MARF1: variants seen among roughly 807,000 people sequenced by gnomAD.
The protein encoded by MARF1 is limkain-b1.
A neutral mutation model predicts 168.2 loss-of-function variants in MARF1; 24 were observed. The observed-to-expected ratio is 0.14, with a 90% CI of 0.10 to 0.20. The LOEUF is 0.20. MARF1 is among the 10% of genes least tolerant of loss of function. The probability of loss-of-function intolerance (pLI) is 1.00; values close to 1 mark genes in which losing one functional copy is unlikely to be tolerated. For synonymous variants in MARF1, 868 were observed against 822.4 expected (o/e 1.06, Z -0.95); for missense variants, 1,744 against 2,143.6 (o/e 0.81, Z 3.68).
Position 15,612,769 on chromosome 16 carries a change from G to GCC in MARF1, c.3260_3261dup (p.Leu1088GlyfsTer9). The GCC allele has an allele frequency of 6.2e-7, 1 of 1,613,840 alleles. No homozygotes were observed. Among genetic ancestry groups the GCC allele is most frequent in the Non-Finnish European group, 8.5e-7 (1 of 1,179,742 alleles). On this transcript the variant is annotated frameshift_variant, in exon 17 of 27. Coordinates refer to ENST00000396368, the MANE Select transcript of MARF1 (RefSeq NM_014647.4). LOFTEE classifies it high-confidence loss of function. ...CCTACAGGACTCTTCGAACGCAGAA[G>GCC]CCAAGGGTCTAGAAGAAAAAGAACG...
At chr16:15,636,696 T>C (rs979910794) in intron 2 of MARF1, among the ~76,000 whole-genome samples, 1 of 152,154 alleles carries the variant, frequency 6.6e-6, no homozygotes, top group Non-Finnish European at 1.5e-5. Context: ...ATAGGTGGTA[T>C]GAAAACAACC....
rs1596502918 is a variant in MARF1, at chr16:15,635,262, A to G, written c.832-331T>C. 21 of 395,462 alleles carry G rather than the reference A, an allele frequency of 5.3e-5. No homozygotes were observed. The East Asian group carries it at 8.8e-4, about 17-fold the overall frequency. 24.5% of individuals were successfully genotyped at this position (395,462 alleles called of 1,614,324 possible). ...TTGAACACCAATGTGACTGAGGCCA[A>G]GCTTCAGGTTTCCCACATTATTGCA... is the stretch of plus-strand genomic sequence containing the variant. On this transcript the variant is annotated intron_variant, in intron 3 of 26. Transcript: ENST00000396368.
At chr16:15,610,456 A>T (rs1188830751) in intron 19 of MARF1, 1 of 153,030 alleles carries the variant, frequency 6.5e-6, no homozygotes. Context: ...AGACACGAAA[A>T]ATTGGCCCCC....
chr16:15,631,342 G>A (rs1216626011), intron 6 of MARF1, 39 bp downstream of exon 6: 4 of 1,369,612 alleles, frequency 2.9e-6, no homozygotes, highest in African/African-American at 2.9e-5. Flanking sequence ...TTCCCACACA[G>A]TGAGTTTAGC....
intron 21 of MARF1, 31 bp downstream of exon 21, chr16:15,608,260 G>GAAAAAAAAAAGA (rs2033189412): frequency 1.4e-6 from 1 of 693,822 alleles, no homozygotes; most frequent in African/African-American, 2.8e-5. Flanking sequence ...TCCCATGAGG[G>GAAAAAAAAAAGA]AAAAAAAAAA....
intron 7 of MARF1, 177 bp downstream of exon 7, chr16:15,630,155 C>A: frequency 2.2e-6 from 1 of 451,098 alleles, no homozygotes; most frequent in Non-Finnish European, 3.9e-6. Flanking sequence ...TCATACATAC[C>A]AATTATCTGT....
At position 15,624,931 on chromosome 16, in the gene MARF1, A is replaced by G. The variant is rs1223882871; in HGVS notation, c.2112-4T>C. Reference sequence around the variant, plus strand: ...TCGGGCACTGAGGTTCTCCTTTCTAACAGAAGGGGAAAATTGAAGGCAAAA... The same window carrying G: ...TCGGGCACTGAGGTTCTCCTTTCTAGCAGAAGGGGAAAATTGAAGGCAAAA... On this transcript the variant is annotated splice_polypyrimidine_tract_variant and splice_region_variant and intron_variant, in intron 9 of 26. Coordinates refer to ENST00000396368, the MANE Select transcript of MARF1 (RefSeq NM_014647.4). The G allele has an allele frequency of 6.2e-7, 1 of 1,613,738 alleles. No individual in the cohort carries two copies. Among genetic ancestry groups the G allele is most frequent in the Non-Finnish European group, 8.5e-7 (1 of 1,179,932 alleles).
chr16:15,635,824 A>C lies in MARF1; in HGVS notation c.663T>G (p.Ala221=). 1 of 1,614,254 alleles carries C rather than the reference A, an allele frequency of 6.2e-7. No individual in the cohort carries two copies. The highest frequency in any genetic ancestry group is 8.5e-7 in the Non-Finnish European group (1 of 1,180,042). The change falls in exon 3 of 27, where the codon GCT becomes GCG. Residue 221 remains alanine, a synonymous_variant. Transcript: ENST00000396368. ...QFPSLQGCTS[A]GYFPCSDFTS... ...TGAAATCAGAACAGGGGAAATAGCC[A>C]GCGGAGGTGCAGCCCTGCAGACTCG...
Position 15,615,838 on chromosome 16 carries a change from G to C in MARF1, c.3245C>G (p.Pro1082Arg). The C allele has an allele frequency of 6.4e-7, 1 of 1,560,858 alleles. No individual in the cohort carries two copies. The highest frequency in any genetic ancestry group is 2.3e-5 in the East Asian group (1 of 42,816). ...VKWIHNKPPP[P>R]NTDPWLLRSK... ...AAATACCTGACACCTACCAGTGTTG[G>C]GAGGCGGGGGCTTGTTGTGAATCCA... The change falls in exon 16 of 27, where the codon CCC becomes CGC. Residue 1082 changes from proline to arginine, a missense_variant. Physicochemically the swap from Pro to Arg is moderately radical, Grantham distance 103. Transcript: ENST00000396368.
rs1297582823 is a variant in MARF1 at position 15,636,277 on chromosome 16, A to G, written c.210T>C (p.Ala70=). 6.2e-7 allele frequency: 1 copy of G among 1,612,572 alleles called. No homozygotes were observed. Among genetic ancestry groups the G allele is most frequent in the Non-Finnish European group, 8.5e-7 (1 of 1,179,070 alleles). ...GGACTGCTGGAAAAAGCTTAGAGCC[A>G]GCATGAAGGGGTGATGGTACATCCT... is the stretch of plus-strand genomic sequence containing the variant. ...ELKDVPSPLH[A]GSKLFPAVPL... is the part of the protein sequence containing the mutation. Residue 70 remains alanine, a synonymous_variant, in exon 3 of 27, where the codon GCT becomes GCC. Coordinates refer to ENST00000396368, the MANE Select transcript of MARF1 (RefSeq NM_014647.4).
rs141448695 is a variant in MARF1, at chr16:15,635,383, A to G, written c.831+273T>C. 272 of 485,952 alleles carry G rather than the reference A, an allele frequency of 5.6e-4. 1 individual carries two copies. The highest frequency in any genetic ancestry group is 4.8e-3 in the African/African-American group (245 of 51,498). 30.1% of individuals were successfully genotyped at this position (485,952 alleles called of 1,614,324 possible). A position where few individuals can be genotyped will look rare whatever the true frequency, so the allele number is the denominator to read the frequency against. Reference sequence around the variant, plus strand: ...ATCCATCGTGCTTTAGCCTTTAAACATAGAACACGAAGGCTTTGCCAACCT... The same window carrying G: ...ATCCATCGTGCTTTAGCCTTTAAACGTAGAACACGAAGGCTTTGCCAACCT... On this transcript the variant is annotated intron_variant, in intron 3 of 26. Coordinates refer to ENST00000396368, the MANE Select transcript of MARF1 (RefSeq NM_014647.4).
In MARF1 at chr16:15,598,959, C is replaced by A. The variant is rs746502942; in HGVS notation, c.4879G>T (p.Ala1627Ser). Reference sequence around the variant, plus strand: ...GACGGCAGGCACGAGGGGACAGGCGCACACAGGAGGTCGACGGGGGAGTCG... The same window carrying A: ...GACGGCAGGCACGAGGGGACAGGCGAACACAGGAGGTCGACGGGGGAGTCG... The part of the protein sequence containing the change: ...TDDSPVDLLC[A>S]PVPSCLPSPQ... The change falls in exon 26 of 27, where the codon GCG becomes TCG. Residue 1627 changes from alanine to serine, a missense_variant. Physicochemically the swap from Ala to Ser is moderately conservative, Grantham distance 99. Transcript: ENST00000396368. 23 of 1,613,298 alleles carry A rather than the reference C, an allele frequency of 1.4e-5. No homozygotes were observed. In the South Asian group the frequency reaches 2.5e-4, roughly 18 times the overall value.
intron 7 of MARF1, among the ~76,000 whole-genome samples, chr16:15,629,756 G>A (rs1340262723): frequency 6.6e-6 from 1 of 152,122 alleles, no homozygotes; most frequent in Non-Finnish European, 1.5e-5. Context: ...GCTAGTCCTG[G>A]AAATGTGCTC....
At chr16:15,598,185 T>G (rs1214307123) in intron 26 of MARF1, among the ~76,000 whole-genome samples, 1 of 152,162 alleles carries the variant, frequency 6.6e-6, no homozygotes. Flanking sequence ...GCTCTGCCCT[T>G]GCTAGCCCAG....
intron 26 of MARF1, 31 bp from the exon 27 acceptor site, chr16:15,596,968 A>G: frequency 6.4e-7 from 1 of 1,567,540 alleles, no homozygotes; most frequent in Non-Finnish European, 8.7e-7. Flanking sequence ...ACAGATTCAG[A>G]TCCAGGAACT....
intron 7 of MARF1, 171 bp downstream of exon 7, chr16:15,630,161 T>C: frequency 1.7e-5 from 8 of 459,926 alleles, no homozygotes; most frequent in Non-Finnish European, 2.7e-5. Flanking sequence ...ATACCAATTA[T>C]CTGTATATTT....
intron 12 of MARF1, 62 bp from the exon 13 acceptor site, chr16:15,620,593 C>A: frequency 9.1e-7 from 1 of 1,099,192 alleles, no homozygotes; most frequent in Non-Finnish European, 1.3e-6. Flanking sequence ...GTTATATAAA[C>A]AGAGTTCATA....
chr16:15,621,641 T>C, intron 12 of MARF1, 92 bp downstream of exon 12: 1 of 1,185,076 alleles, frequency 8.4e-7, no homozygotes, highest in Non-Finnish European at 1.2e-6. Flanking sequence ...CACAAGGGGG[T>C]GGGAATGTGA....
chr16:15,609,649 A>C lies in MARF1; in HGVS notation c.3828T>G (p.His1276Gln). 1 of 1,614,180 alleles carries C rather than the reference A, an allele frequency of 6.2e-7. No homozygotes were observed. Among genetic ancestry groups the C allele is most frequent in the Non-Finnish European group, 8.5e-7 (1 of 1,180,022 alleles). Reference protein sequence around the residue: ...DVVDLLRHQPHFRMPFNKFIP... With the variant: ...DVVDLLRHQPQFRMPFNKFIP... ...TAAATTTATTAAAGGGCATCCGGAA[A>C]TGGGGTTGGTGACGCAGCAAATCAA... is the stretch of plus-strand genomic sequence containing the variant. Residue 1276 changes from histidine (H) to glutamine (Q), a missense_variant, in exon 20 of 27, where the codon CAT (histidine) becomes CAG (glutamine). By Grantham distance (24) the His-to-Gln change is conservative. Coordinates refer to ENST00000396368, the MANE Select transcript of MARF1 (RefSeq NM_014647.4).
Sources: allele counts gnomAD v4.1 joint callset (sites outside exome capture counted in the v4.1 genomes callset), GRCh38; gene constraint gnomAD v4.1.1; transcripts MANE v1.5; gene names NCBI Gene and HGNC (gene_info 2026-07-23, HGNC 2026-07-21).